The following TMEM184A variants were observed in gnomAD, a reference collection of about 807,000 sequenced individuals.
TMEM184A encodes transmembrane protein 184A.
TMEM184A carries 40 observed loss-of-function variants against 39.5 expected under a neutral mutation model. The ratio of observed to expected loss-of-function variants is 1.01; its 90% CI spans 0.79 to 1.32. The LOEUF is 1.32. Ranked by LOEUF, TMEM184A falls within the 40% of genes most tolerant of loss-of-function variation. TMEM184A has a pLI of 0.00. For synonymous variants in TMEM184A, 280 were observed against 252.3 expected (o/e 1.11, Z -1.04); for missense variants, 603 against 568.8 (o/e 1.06, Z -0.61).
rs1439704036 is a variant in TMEM184A at position 1,548,682 on chromosome 7, G to T, written c.651C>A (p.Arg217=). The T allele has an allele frequency of 6.2e-7, 1 of 1,613,460 alleles. No homozygotes were observed. The change falls in exon 7 of 9, where the codon CGC becomes CGA. Residue 217 remains arginine (R), a synonymous_variant. Coordinates refer to ENST00000297477, the MANE Select transcript of TMEM184A (RefSeq NM_001097620.2). ...TGAGGGTCACATAGAGGTAGCCGCT[G>T]CGGACACTAGGACAGACGGGGGCTG... is the stretch of plus-strand genomic sequence containing the variant. ...GKYHDGDFNV[R]SGYLYVTLIY... is the part of the protein sequence containing the mutation.
At position 1,542,867 on chromosome 7, in the gene TMEM184A, A is replaced by G. The variant is rs1240881998; in HGVS notation, c.*4085T>C. On this transcript the variant is annotated 3_prime_UTR_variant, in exon 9 of 9. Coordinates refer to ENST00000297477, the MANE Select transcript of TMEM184A (RefSeq NM_001097620.2). ...ACTTGGCAGTTCCATTTCATTATTT[A>G]TTTTTTGTGCTGCTTTTTATCATGA... 1.3e-5 allele frequency: 2 copies of G among 152,562 alleles called. No homozygotes were observed. Among genetic ancestry groups the G allele is most frequent in the Admixed American group, 1.3e-4 (2 of 15,296 alleles). The allele number at this position is 152,562 out of a possible 1,614,324, so 9.5% of individuals were successfully genotyped here.
intron 8 of TMEM184A, 41 bp downstream of exon 8, chr7:1,547,701 G>T: frequency 6.4e-7 from 1 of 1,568,308 alleles, no homozygotes; most frequent in Non-Finnish European, 8.7e-7. Flanking sequence ...CCGGGGCAGG[G>T]CTGTGCGCTC....
rs1480895719 is a variant in TMEM184A at position 1,547,940 on chromosome 7, C to T, written c.815-1G>A. 18 of 1,564,512 alleles carry T rather than the reference C, an allele frequency of 1.2e-5. No homozygotes were observed. The highest frequency in any genetic ancestry group is 1.2e-5 in the Non-Finnish European group (14 of 1,156,244). Reference sequence around the variant, plus strand: ...CGCTCCAGGATGGCCAGCAGCAGCCCTGCGGACGCCACGGCCGCTCAGCCC... The same window carrying T: ...CGCTCCAGGATGGCCAGCAGCAGCCTTGCGGACGCCACGGCCGCTCAGCCC... On this transcript the variant is annotated splice_acceptor_variant, in intron 7 of 8. Coordinates refer to ENST00000297477, the MANE Select transcript of TMEM184A (RefSeq NM_001097620.2). LOFTEE classifies it high-confidence loss of function.
rs567907260 is a variant in TMEM184A at position 1,543,265 on chromosome 7, G to A, written c.*3687C>T. ...CCACGTCCTGGGCTCAGTCTCTGAG[G>A]GTCAGGCCGCAGTCCTGAGTGTCCC... On this transcript the variant is annotated 3_prime_UTR_variant, in exon 9 of 9. Transcript: ENST00000297477. 6.6e-6 allele frequency: 1 copy of A among 152,430 alleles called. No homozygotes were observed. Among genetic ancestry groups the A allele is most frequent in the South Asian group, 2.1e-4 (1 of 4,830 alleles). 9.4% of individuals were successfully genotyped at this position (152,430 alleles called of 1,614,324 possible).
Position 1,544,875 on chromosome 7 carries a change from C to T in TMEM184A, c.*2077G>A, listed in dbSNP as rs10266346. ...CATGTCAGTTTCCTGGCACAGTCCT[C>T]GGCTGGTCTGAGGGGGCATTTGGCG... On this transcript the variant is annotated 3_prime_UTR_variant, in exon 9 of 9. Transcript: ENST00000297477. The T allele has an allele frequency of 0.021, 3,158 of 152,408 alleles. 103 individuals are homozygous for T. Among genetic ancestry groups the T allele is most frequent in the African/African-American group, 0.071 (2,943 of 41,566 alleles). The allele number at this position is 152,408 out of a possible 1,614,324, so 9.4% of individuals were successfully genotyped here. A position where few individuals can be genotyped will look rare whatever the true frequency, so the allele number is the denominator to read the frequency against.
At chr7:1,547,673 C>T (rs746078857) in intron 8 of TMEM184A, 69 bp downstream of exon 8, 59 of 1,494,836 alleles carry the variant, frequency 3.9e-5, no homozygotes, top group Non-Finnish European at 5.0e-5. Context: ...GAGAATGGCA[C>T]GGACACAGAC....
rs373573361 is a variant in TMEM184A, at chr7:1,545,938, C to G, written c.*1014G>C. The stretch of plus-strand genomic sequence containing the variant: ...CCCCTCTGTGCCCCCTGGGAGTGTC[C>G]CCCCCGCCCAGGTACTCAGGGCCCT... On this transcript the variant is annotated 3_prime_UTR_variant, in exon 9 of 9. Coordinates refer to ENST00000297477, the MANE Select transcript of TMEM184A (RefSeq NM_001097620.2). The G allele has an allele frequency of 6.6e-6, 1 of 152,322 alleles. No individual in the cohort carries two copies. Among genetic ancestry groups the G allele is most frequent in the Admixed American group, 6.5e-5 (1 of 15,286 alleles). The allele number at this position is 152,322 out of a possible 1,614,324, so 9.4% of individuals were successfully genotyped here.
chr7:1,551,042 G>T, intron 2 of TMEM184A, 60 bp from the exon 3 acceptor site: 2 of 1,533,564 alleles, frequency 1.3e-6, no homozygotes, highest in Non-Finnish European at 1.8e-6. Flanking sequence ...GACCAGCCCA[G>T]GTGAGCCGGG....
intron 8 of TMEM184A, among the ~76,000 whole-genome samples, 156 bp from the exon 9 acceptor site, chr7:1,547,337 C>T (rs1311784602): frequency 2.6e-5 from 4 of 152,070 alleles, no homozygotes; most frequent in Admixed American, 6.5e-5. Flanking sequence ...CCCAGCCCAG[C>T]TTGCTCCACC....
At chr7:1,547,291 C>T in intron 8 of TMEM184A, 110 bp from the exon 9 acceptor site, 3 of 680,642 alleles carry the variant, frequency 4.4e-6, no homozygotes, top group South Asian at 1.9e-5. Context: ...CCAGGTCTGG[C>T]CTCGGCCAGC....
At chr7:1,548,999 C>T (rs1472034810) in intron 6 of TMEM184A, 1 of 562,446 alleles carries the variant, frequency 1.8e-6, no homozygotes, top group Non-Finnish European at 3.4e-6. Context: ...TGTCGGAACG[C>T]CACCTCCCAA....
At chr7:1,547,665 G>C in intron 8 of TMEM184A, 77 bp downstream of exon 8, 1 of 1,465,784 alleles carries the variant, frequency 6.8e-7, no homozygotes, top group Non-Finnish European at 9.4e-7. Flanking sequence ...TGGGCCTCGA[G>C]AATGGCACGG....
chr7:1,555,231 G>C lies in TMEM184A; in HGVS notation c.219+35C>G. 6.5e-7 allele frequency: 1 copy of C among 1,547,640 alleles called. No individual in the cohort carries two copies. Among genetic ancestry groups the C allele is most frequent in the Non-Finnish European group, 8.7e-7 (1 of 1,143,286 alleles). ...CACGGCCACGTCCTGTGGAGACCAA[G>C]GTCCTGAAGGAGGCTCGGGGGCGGA... On this transcript the variant is annotated intron_variant, in intron 2 of 8. Transcript: ENST00000297477. This position sits in a 1 kb window ranked among gnomAD's most constrained non-coding sequence, Gnocchi z 5.2.
chr7:1,547,806 G>C lies in TMEM184A; in HGVS notation c.948C>G (p.Ala316=). Residue 316 remains alanine, a synonymous_variant, in exon 8 of 9, where the codon GCC becomes GCG. Coordinates refer to ENST00000297477, the MANE Select transcript of TMEM184A (RefSeq NM_001097620.2). ...NFIICVEMLF[A]SVALRYAFPC... ...GGAAGGCATAACGCAGGGCCACGGA[G>C]GCGAACAGCATCTCCACGCAGATGA... 1 of 1,612,970 alleles carries C rather than the reference G, an allele frequency of 6.2e-7. No individual in the cohort carries two copies. The highest frequency in any genetic ancestry group is 8.5e-7 in the Non-Finnish European group (1 of 1,179,890).
intron 8 of TMEM184A, among the ~76,000 whole-genome samples, 174 bp downstream of exon 8, chr7:1,547,568 G>C (rs1027751606): frequency 6.6e-6 from 1 of 152,090 alleles, no homozygotes; most frequent in Admixed American, 6.5e-5. Flanking sequence ...ATTGGGGTCC[G>C]GGACCGCCTG....
Position 1,544,049 on chromosome 7 carries a change from G to A in TMEM184A, c.*2903C>T, listed in dbSNP as rs1481088764. ...CAACAGCTGGCACATAGCGCAGTGA[G>A]TGTTGAATCTGTGCTGGGGCCACAG... On this transcript the variant is annotated 3_prime_UTR_variant, in exon 9 of 9. Transcript: ENST00000297477. 6.6e-6 allele frequency: 1 copy of A among 152,328 alleles called. No homozygotes were observed. 9.4% of individuals were successfully genotyped at this position (152,328 alleles called of 1,614,324 possible).
chr7:1,550,801 G>T lies in TMEM184A; in HGVS notation c.385+16C>A, dbSNP rs780652138. The T allele has an allele frequency of 6.2e-7, 1 of 1,611,140 alleles. No homozygotes were observed. Among genetic ancestry groups the T allele is most frequent in the Non-Finnish European group, 8.5e-7 (1 of 1,179,074 alleles). On this transcript the variant is annotated intron_variant, in intron 3 of 8. Coordinates refer to ENST00000297477, the MANE Select transcript of TMEM184A (RefSeq NM_001097620.2). ...TCTCCCTCCGCTCCCCCGACCTGAC[G>T]CAGCCTGGCGCCCACCTTCGTAGCA...
rs1784400827 is a variant in TMEM184A, at chr7:1,547,649, C to A, written c.1012+93G>T. On this transcript the variant is annotated intron_variant, in intron 8 of 8. Transcript: ENST00000297477. ...CCCGTCTCCCTGCCCAGCGAGCTGG[C>A]ATTCCTGGGCCTCGAGAATGGCACG... 59 of 1,345,830 alleles carry A rather than the reference C, an allele frequency of 4.4e-5. No homozygotes were observed. In the South Asian group the frequency reaches 7.0e-4, roughly 16 times the overall value. 83.4% of individuals were successfully genotyped at this position (1,345,830 alleles called of 1,614,324 possible).
intron 6 of TMEM184A, chr7:1,549,562 T>G: frequency 3.7e-6 from 2 of 538,504 alleles, no homozygotes; most frequent in Non-Finnish European, 7.4e-6. Context: ...CCGTGTCCTG[T>G]GAGGGGAGGT....
Sources: allele counts gnomAD v4.1 joint callset (sites outside exome capture counted in the v4.1 genomes callset), GRCh38; gene constraint gnomAD v4.1.1; non-coding constraint Gnocchi (gnomAD v3.1); transcripts MANE v1.5; gene names NCBI Gene and HGNC (gene_info 2026-07-23, HGNC 2026-07-21).